ZFP14: variants seen among roughly 807,000 people sequenced by gnomAD.
ZFP14 encodes the protein zinc finger protein 14 homolog.
ZFP14 carries 22 observed loss-of-function variants against 54.5 expected under a neutral mutation model. That is an observed-to-expected ratio of 0.40 (90% confidence interval 0.29 to 0.58). The LOEUF (loss-of-function observed/expected upper bound fraction) is 0.58. Among genes scored for constraint, ZFP14 ranks in the 20% least tolerant of loss-of-function variants. ZFP14 has a pLI of 0.39. For missense variants in ZFP14, 470 were observed against 637.8 expected (o/e 0.74, Z 2.83); for synonymous variants, 159 against 204.0 (o/e 0.78, Z 1.88).
Position 36,339,644 on chromosome 19 carries a change from A to G in ZFP14, c.*580T>C, listed in dbSNP as rs1438880937. ...AGCCAGCTAGAAACTGAGAATCTCAATGCAACAGGCCTCACGGAAATACAT... is the reference window on the plus strand; with the variant it reads ...AGCCAGCTAGAAACTGAGAATCTCAGTGCAACAGGCCTCACGGAAATACAT... On this transcript the variant is annotated 3_prime_UTR_variant, in exon 5 of 5. Coordinates refer to ENST00000270001, the MANE Select transcript of ZFP14 (RefSeq NM_020917.3). 1.3e-5 allele frequency: 2 copies of G among 152,254 alleles called. No individual in the cohort carries two copies. The highest frequency in any genetic ancestry group is 2.4e-5 in the African/African-American group (1 of 41,446). 9.4% of individuals were successfully genotyped at this position (152,254 alleles called of 1,614,324 possible).
rs1330672992 is a variant in ZFP14 at position 36,339,398 on chromosome 19, C to T, written c.*826G>A. ...GTCCTGTCTCCAGGACTTATTCACA[C>T]TCTTGTATCATCCCGTTCTCTTGAG... is the stretch of plus-strand genomic sequence containing the variant. On this transcript the variant is annotated 3_prime_UTR_variant, in exon 5 of 5. Transcript: ENST00000270001. 2 of 152,200 alleles carry T rather than the reference C, an allele frequency of 1.3e-5. No homozygotes were observed. The highest frequency in any genetic ancestry group is 2.9e-5 in the Non-Finnish European group (2 of 68,030). The allele number at this position is 152,200 out of a possible 1,614,324, so 9.4% of individuals were successfully genotyped here.
chr19:36,362,317 G>C lies in ZFP14; in HGVS notation c.10-79C>G, dbSNP rs868864838. 35 of 1,467,912 alleles carry C rather than the reference G, an allele frequency of 2.4e-5. No homozygotes were observed. The South Asian group carries it at 4.2e-4, about 18-fold the overall frequency. The allele number at this position is 1,467,912 out of a possible 1,614,324, so 90.9% of individuals were successfully genotyped here. The stretch of plus-strand genomic sequence containing the variant: ...ATGGAAAGAGGGGAGATTGAGGATT[G>C]CATTGCAGAGAGGGGTCAGATAGCA... On this transcript the variant is annotated intron_variant, in intron 2 of 4. Transcript: ENST00000270001.
chr19:36,338,629 C>A lies in ZFP14; in HGVS notation c.*1595G>T, dbSNP rs2031250489. ...CTCCAGCCTGGGGGACAAAGTGACACCCTGTCTCAAAAAAATTATACATTG... is the reference window on the plus strand; with the variant it reads ...CTCCAGCCTGGGGGACAAAGTGACAACCTGTCTCAAAAAAATTATACATTG... On this transcript the variant is annotated 3_prime_UTR_variant, in exon 5 of 5. Transcript: ENST00000270001. 6.6e-6 allele frequency: 1 copy of A among 152,092 alleles called. No individual in the cohort carries two copies. The highest frequency in any genetic ancestry group is 1.5e-5 in the Non-Finnish European group (1 of 68,036). The allele number at this position is 152,092 out of a possible 1,614,324, so 9.4% of individuals were successfully genotyped here.
rs1433919020 is a variant in ZFP14 at position 36,334,793 on chromosome 19, A to G, written c.*5431T>C. On this transcript the variant is annotated 3_prime_UTR_variant, in exon 5 of 5. Coordinates refer to ENST00000270001, the MANE Select transcript of ZFP14 (RefSeq NM_020917.3). ...CTGAGAATTCCACAATAAATTTGAGATACACTCAGTTAAATAAAAATGTCT... is the reference window on the plus strand; with the variant it reads ...CTGAGAATTCCACAATAAATTTGAGGTACACTCAGTTAAATAAAAATGTCT... The G allele has an allele frequency of 6.6e-6, 1 of 152,240 alleles. No homozygotes were observed. The highest frequency in any genetic ancestry group is 1.5e-5 in the Non-Finnish European group (1 of 68,048). The allele number at this position is 152,240 out of a possible 1,614,324, so 9.4% of individuals were successfully genotyped here. A position where few individuals can be genotyped will look rare whatever the true frequency, so the allele number is the denominator to read the frequency against.
chr19:36,367,549 C>A (rs774034829), intron 2 of ZFP14, among the ~76,000 whole-genome samples: 24 of 152,086 alleles, frequency 1.6e-4, no homozygotes, highest in Non-Finnish European at 2.8e-4. Flanking sequence ...AACGCAATCT[C>A]GGCTCACTGC....
At chr19:36,357,133 C>T (rs560035240) in intron 4 of ZFP14, among the ~76,000 whole-genome samples, 1 of 152,294 alleles carries the variant, frequency 6.6e-6, no homozygotes, top group East Asian at 1.9e-4. Context: ...ACCTCCACCT[C>T]CTGGGTTCAA....
In ZFP14 at chr19:36,336,885, C is replaced by T. The variant is rs568067248; in HGVS notation, c.*3339G>A. ...AAGTAGAAATATTAGAACAATAAGT[C>T]TCCATGAACAAAACACTCCACTTAA... On this transcript the variant is annotated 3_prime_UTR_variant, in exon 5 of 5. Coordinates refer to ENST00000270001, the MANE Select transcript of ZFP14 (RefSeq NM_020917.3). The T allele has an allele frequency of 1.3e-5, 2 of 152,322 alleles. No individual in the cohort carries two copies. The highest frequency in any genetic ancestry group is 3.9e-4 in the East Asian group (2 of 5,192). The allele number at this position is 152,322 out of a possible 1,614,324, so 9.4% of individuals were successfully genotyped here.
Position 36,340,133 on chromosome 19 carries a change from T to C in ZFP14, c.*91A>G. On this transcript the variant is annotated 3_prime_UTR_variant, in exon 5 of 5. Transcript: ENST00000270001. This position sits in a 1 kb window ranked among gnomAD's most constrained non-coding sequence, Gnocchi z 5.4. Reference sequence around the variant, plus strand: ...TATTCTTTCTCTAATATAAAATTTATTATGCTTGGAATTGAGCATGAAACA... The same window carrying C: ...TATTCTTTCTCTAATATAAAATTTACTATGCTTGGAATTGAGCATGAAACA... 2 of 1,296,032 alleles carry C rather than the reference T, an allele frequency of 1.5e-6. No homozygotes were observed. The highest frequency in any genetic ancestry group is 1.9e-5 in the South Asian group (1 of 53,322). The allele number at this position is 1,296,032 out of a possible 1,614,324, so 80.3% of individuals were successfully genotyped here. A position where few individuals can be genotyped will look rare whatever the true frequency, so the allele number is the denominator to read the frequency against.
chr19:36,370,619 T>C (rs2145562723), intron 1 of ZFP14, among the ~76,000 whole-genome samples: 1 of 152,342 alleles, frequency 6.6e-6, no homozygotes, highest in East Asian at 1.9e-4. Flanking sequence ...GCCCCAGCAC[T>C]GCACCAGCCA....
Position 36,340,770 on chromosome 19 carries a change from G to A in ZFP14, c.1056C>T (p.Cys352=). 6.2e-7 allele frequency: 1 copy of A among 1,613,614 alleles called. No homozygotes were observed. Among genetic ancestry groups the A allele is most frequent in the East Asian group, 2.2e-5 (1 of 44,844 alleles). The change falls in exon 5 of 5, where the codon TGC becomes TGT. Residue 352 remains cysteine (C), a synonymous_variant. Coordinates refer to ENST00000270001, the MANE Select transcript of ZFP14 (RefSeq NM_020917.3). The surrounding 1 kb of genome is among the most constrained non-coding windows in gnomAD (Gnocchi z 5.4). The part of the protein sequence containing the change: ...CKECGKAFRI[C]QQLTVHQSIH... ...TACTCTGATGAACAGTAAGTTGTTG[G>A]CATATTCTAAAAGCCTTTCCACACT...
intron 2 of ZFP14, among the ~76,000 whole-genome samples, chr19:36,367,147 T>A (rs1324948814): frequency 2.1e-5 from 3 of 143,220 alleles, no homozygotes; most frequent in Non-Finnish European, 3.0e-5. Flanking sequence ...AGAGTGAAAC[T>A]CTGTCTCAAA....
intron 2 of ZFP14, among the ~76,000 whole-genome samples, chr19:36,363,582 C>T (rs2031746047): frequency 1.3e-5 from 2 of 152,050 alleles, no homozygotes; most frequent in South Asian, 2.1e-4. Flanking sequence ...TTGTCACAAT[C>T]GGAGGAAAGG....
intron 2 of ZFP14, among the ~76,000 whole-genome samples, chr19:36,365,921 C>T (rs1374273757): frequency 6.6e-6 from 1 of 151,086 alleles, no homozygotes; most frequent in Non-Finnish European, 1.5e-5. Flanking sequence ...GATCATACCA[C>T]CGCATTCCGG....
At chr19:36,371,029 G>A (rs923845625) in intron 1 of ZFP14, among the ~76,000 whole-genome samples, 1 of 152,070 alleles carries the variant, frequency 6.6e-6, no homozygotes, top group Non-Finnish European at 1.5e-5. Context: ...TTGGGAGGCC[G>A]AGGCAGGCGG....
intron 4 of ZFP14, among the ~76,000 whole-genome samples, chr19:36,352,913 C>G (rs2031553036): frequency 7.4e-6 from 1 of 135,738 alleles, no homozygotes; most frequent in African/African-American, 2.8e-5. Context: ...TGCACTCCAG[C>G]CCGGGCGACA....
chr19:36,344,132 A>G (rs2031372254), intron 4 of ZFP14, among the ~76,000 whole-genome samples: 1 of 152,122 alleles, frequency 6.6e-6, no homozygotes, highest in Admixed American at 6.5e-5. Flanking sequence ...CCTCCCCAGT[A>G]GCTGGGATTA....
chr19:36,362,350 A>G, intron 2 of ZFP14, 112 bp from the exon 3 acceptor site: 2 of 1,171,804 alleles, frequency 1.7e-6, no homozygotes, highest in South Asian at 3.5e-5. Flanking sequence ...GCATGCAAAC[A>G]GCATTGGGCT....
chr19:36,342,988 C>T (rs2031350299), intron 4 of ZFP14, among the ~76,000 whole-genome samples: 1 of 152,144 alleles, frequency 6.6e-6, no homozygotes, highest in Non-Finnish European at 1.5e-5. Flanking sequence ...GCACTCTCAT[C>T]ATTTTGAAAA....
chr19:36,363,843 A>C (rs912263688), intron 2 of ZFP14, among the ~76,000 whole-genome samples: 1 of 152,038 alleles, frequency 6.6e-6, no homozygotes, highest in African/African-American at 2.4e-5. Flanking sequence ...CACAAAAATC[A>C]GCTGGGTGTG....
Sources: gnomAD v4.1 joint callset for allele counts (sites outside exome capture counted in the v4.1 genomes callset) on GRCh38, gnomAD v4.1.1 for gene constraint, Gnocchi (gnomAD v3.1) non-coding constraint, MANE v1.5 for transcripts, NCBI Gene and HGNC (gene_info 2026-07-23, HGNC 2026-07-21) for gene names.